Variants in CNTNAP2 observed in about 807,000 individuals in gnomAD.
The protein encoded by CNTNAP2 is contactin associated protein 2.
A neutral mutation model predicts 155.2 loss-of-function variants in CNTNAP2; 98 were observed. That is an observed-to-expected ratio of 0.63 (90% confidence interval 0.54 to 0.75). The LOEUF (loss-of-function observed/expected upper bound fraction) is 0.75. Ranked by LOEUF, CNTNAP2 falls within the 30% of genes least tolerant of loss-of-function variation. CNTNAP2 has a pLI of 0.00. For synonymous variants in CNTNAP2, 651 were observed against 631.2 expected, an observed-to-expected ratio of 1.03 and a Z score of -0.47; for missense variants, 1,727 against 1,688.1, an observed-to-expected ratio of 1.02 and a Z score of -0.40.
intron 1 of CNTNAP2, among the ~76,000 whole-genome samples, chr7:146,332,941 A>ATTTTTT (rs4016094): frequency 3.3e-4 from 34 of 102,452 alleles, no homozygotes; most frequent in Non-Finnish European, 4.3e-4. Context: ...TTCTTCTTCT[A>ATTTTTT]TTTTTTTTTT....
At chr7:146,767,004 G>A (rs1802206835) in intron 1 of CNTNAP2, among the ~76,000 whole-genome samples, 1 of 152,208 alleles carries the variant, frequency 6.6e-6, no homozygotes. Flanking sequence ...AATTTTCGCT[G>A]TGTGTCAGAT....
intron 1 of CNTNAP2, among the ~76,000 whole-genome samples, chr7:146,252,914 A>G (rs1799778758): frequency 6.6e-6 from 1 of 152,150 alleles, no homozygotes; most frequent in Non-Finnish European, 1.5e-5. Flanking sequence ...AACAATTATA[A>G]TGGCAAAAGC....
chr7:146,447,272 G>A lies in CNTNAP2; in HGVS notation c.98-326999G>A, dbSNP rs369973571. On this transcript the variant is annotated intron_variant, in intron 1 of 23. Coordinates refer to ENST00000361727, the MANE Select transcript of CNTNAP2 (RefSeq NM_014141.6). ...ACAGCACAGTTATGCCAAGAATATG[G>A]TTTCAGTAAAAGAAAGGAGCTAATT... Among the ~76,000 whole-genome samples, 9 of 152,122 alleles carry A rather than the reference G, an allele frequency of 5.9e-5. No homozygotes were observed. The East Asian group carries it at 7.7e-4, about 13-fold the overall frequency.
At chr7:148,059,808 A>C (rs1442837462) in intron 15 of CNTNAP2, among the ~76,000 whole-genome samples, 1 of 150,672 alleles carries the variant, frequency 6.6e-6, no homozygotes, top group Non-Finnish European at 1.5e-5. Context: ...ATATAACTTG[A>C]TACAAAGTCT....
At chr7:146,703,023 TA>T (rs1418461529) in intron 1 of CNTNAP2, among the ~76,000 whole-genome samples, 2 of 152,124 alleles carry the variant, frequency 1.3e-5, no homozygotes, top group African/African-American at 4.8e-5. Context: ...TAAAAACAAA[TA>T]TTTTTTTCTT....
At chr7:147,633,226 C>A (rs1310003276) in intron 12 of CNTNAP2, among the ~76,000 whole-genome samples, 1 of 152,218 alleles carries the variant, frequency 6.6e-6, no homozygotes, top group Non-Finnish European at 1.5e-5. Flanking sequence ...AGCCCCAATC[C>A]ATGGTGACTT....
At chr7:148,115,984 C>T (rs563460031) in intron 15 of CNTNAP2, among the ~76,000 whole-genome samples, 1 of 151,874 alleles carries the variant, frequency 6.6e-6, no homozygotes, top group East Asian at 1.9e-4. Context: ...ACTAAAAATA[C>T]AAAAATTAGC....
intron 8 of CNTNAP2, among the ~76,000 whole-genome samples, chr7:147,158,277 C>T (rs1040944709): frequency 6.6e-6 from 1 of 152,020 alleles, no homozygotes; most frequent in Non-Finnish European, 1.5e-5. Flanking sequence ...ATAATAACTA[C>T]ATGAACTGCT....
chr7:148,272,169 C>G (rs921129448), intron 21 of CNTNAP2, among the ~76,000 whole-genome samples: 1 of 152,170 alleles, frequency 6.6e-6, no homozygotes, highest in Non-Finnish European at 1.5e-5. Context: ...TGCCAACCAA[C>G]AGCAAACTTT....
chr7:148,385,646 CTTGT>C (rs1254187690), intron 22 of CNTNAP2, among the ~76,000 whole-genome samples: 3 of 150,896 alleles, frequency 2.0e-5, no homozygotes, highest in African/African-American at 4.9e-5. Flanking sequence ...TAATTAGGAA[CTTGT>C]TTGTTAAGAT....
intron 22 of CNTNAP2, among the ~76,000 whole-genome samples, chr7:148,393,167 TTTTC>T (rs1335872477): frequency 6.6e-6 from 1 of 152,236 alleles, no homozygotes; most frequent in African/African-American, 2.4e-5. Context: ...TGATCATTGG[TTTTC>T]TTTACCACCT....
chr7:147,318,519 G>T (rs1319817494), intron 9 of CNTNAP2, among the ~76,000 whole-genome samples: 1 of 152,122 alleles, frequency 6.6e-6, no homozygotes, highest in East Asian at 1.9e-4. Context: ...GAAAGAATGA[G>T]CTCATGTCCT....
At chr7:147,773,114 T>A (rs1452043830) in intron 13 of CNTNAP2, among the ~76,000 whole-genome samples, 2 of 152,218 alleles carry the variant, frequency 1.3e-5, no homozygotes, top group African/African-American at 2.4e-5. Context: ...GCAGAAGGCC[T>A]AGCATGCATA....
chr7:148,193,495 G>A lies in CNTNAP2; in HGVS notation c.3010+21017G>A, dbSNP rs187457965. Among the ~76,000 whole-genome samples the A allele has an allele frequency of 3.6e-3, 553 of 151,554 alleles. 4 individuals carry two copies. The highest frequency in any genetic ancestry group is 0.012 in the African/African-American group (514 of 41,352). On this transcript the variant is annotated intron_variant, in intron 18 of 23. Coordinates refer to ENST00000361727, the MANE Select transcript of CNTNAP2 (RefSeq NM_014141.6). ...ATACACATTTTCATAATTTTTTTTT[G>A]TGGAAGAAAGGGACCACAAGGGCAA... is the stretch of plus-strand genomic sequence containing the variant.
At chr7:148,277,683 G>A (rs892197161) in intron 21 of CNTNAP2, among the ~76,000 whole-genome samples, 23 of 148,522 alleles carry the variant, frequency 1.5e-4, no homozygotes, top group South Asian at 6.3e-4. Flanking sequence ...GGTCCCATCC[G>A]TCATCCTTTA....
At chr7:146,666,119 C>T (rs1407862628) in intron 1 of CNTNAP2, among the ~76,000 whole-genome samples, 1 of 151,960 alleles carries the variant, frequency 6.6e-6, no homozygotes, top group Non-Finnish European at 1.5e-5. Context: ...ATATTGTATC[C>T]TTTGATAAAT....
At chr7:147,951,346 T>A (rs112448782) in intron 14 of CNTNAP2, among the ~76,000 whole-genome samples, 1 of 152,198 alleles carries the variant, frequency 6.6e-6, no homozygotes, top group African/African-American at 2.4e-5. Flanking sequence ...GTATTTCTTC[T>A]GTAATAGGGA....
chr7:147,412,832 A>G (rs1797127002), intron 10 of CNTNAP2, among the ~76,000 whole-genome samples: 1 of 152,196 alleles, frequency 6.6e-6, no homozygotes, highest in Admixed American at 6.5e-5. Flanking sequence ...ATATAAACTA[A>G]GGCATGTGAC....
intron 8 of CNTNAP2, among the ~76,000 whole-genome samples, chr7:147,282,968 T>C (rs1386341973): frequency 6.6e-6 from 1 of 151,932 alleles, no homozygotes; most frequent in Non-Finnish European, 1.5e-5. Flanking sequence ...AAAAGTGTCC[T>C]GAAGTCACCT....
Sources: gnomAD v4.1 joint callset for allele counts (sites outside exome capture counted in the v4.1 genomes callset) on GRCh38, gnomAD v4.1.1 for gene constraint, MANE v1.5 for transcripts, NCBI Gene and HGNC (gene_info 2026-07-23, HGNC 2026-07-21) for gene names.